The following SIDT1 variants were observed in gnomAD, a reference collection of about 807,000 sequenced individuals.
SIDT1 encodes SID1 transmembrane family, member 1.
In SIDT1, 101 loss-of-function variants were observed where a neutral mutation model predicts 107.5. The ratio of observed to expected loss-of-function variants is 0.94; its 90% confidence interval spans 0.80 to 1.11. SIDT1 has a LOEUF of 1.11. SIDT1 is among the 50% of genes least tolerant of loss of function. SIDT1 has a pLI of 0.00. For missense variants in SIDT1, 1,076 were observed against 1,058.2 expected (o/e 1.02, Z -0.23); for synonymous variants, 395 against 398.2 (o/e 0.99, Z 0.10).
intron 1 of SIDT1, among the ~76,000 whole-genome samples, chr3:113,554,821 C>T (rs1176157621): frequency 7.9e-5 from 12 of 151,764 alleles, no homozygotes; most frequent in Non-Finnish European, 1.8e-4. Flanking sequence ...TATTTTTATC[C>T]CCCACCAAGC....
At chr3:113,633,349 T>TTCTCA (rs1947105650), downstream of SIDT1, among the ~76,000 whole-genome samples, 3 of 152,308 alleles carry the variant, frequency 2.0e-5, no homozygotes, top group South Asian at 6.2e-4. Context: ...AATTTCAAGT[T>TTCTCA]GACTTTCAAA....
chr3:113,630,195 G>A (rs1164726492), downstream of SIDT1, among the ~76,000 whole-genome samples: 2 of 152,180 alleles, frequency 1.3e-5, no homozygotes, highest in Admixed American at 1.3e-4. Context: ...AGAGGCTCTT[G>A]GCAAAGTAAG....
At chr3:113,536,827 G>A (rs1222386008) in intron 1 of SIDT1, among the ~76,000 whole-genome samples, 1 of 152,264 alleles carries the variant, frequency 6.6e-6, no homozygotes, top group African/African-American at 2.4e-5. Flanking sequence ...AGTTAGGCAA[G>A]ATCATGATTC....
intron 4 of SIDT1, among the ~76,000 whole-genome samples, chr3:113,578,140 A>G (rs1283317722): frequency 1.3e-5 from 2 of 152,176 alleles, no homozygotes; most frequent in East Asian, 1.9e-4. Flanking sequence ...TAAAAGCACT[A>G]ATTACTAGGT....
chr3:113,614,284 T>C (rs935785552), intron 19 of SIDT1, among the ~76,000 whole-genome samples: 22 of 152,308 alleles, frequency 1.4e-4, no homozygotes, highest in African/African-American at 5.1e-4. Flanking sequence ...GGGAATCCAC[T>C]GATATCATCC....
chr3:113,630,290 C>T (rs1947080071), downstream of SIDT1, among the ~76,000 whole-genome samples: 1 of 152,184 alleles, frequency 6.6e-6, no homozygotes, highest in Non-Finnish European at 1.5e-5. Context: ...AAAAAATGAC[C>T]TCTTCACACC....
In SIDT1 at chr3:113,562,453, AG is replaced by A. The variant is rs1447650943; in HGVS notation, c.223-3966del. On this transcript the variant is annotated intron_variant, in intron 1 of 24. Coordinates refer to ENST00000264852, the MANE Select transcript of SIDT1 (RefSeq NM_017699.3). Reference sequence around the variant, plus strand: ...GCAACATTGTTTATAATAGCTAAAAAGTTAAAACAACCCAAATGTCCATCAA... The same window carrying A: ...GCAACATTGTTTATAATAGCTAAAAATTAAAACAACCCAAATGTCCATCAA... Among the ~76,000 whole-genome samples, 7 of 152,228 alleles carry A rather than the reference AG, an allele frequency of 4.6e-5. 1 individual carries two copies. The highest frequency in any genetic ancestry group is 7.3e-5 in the Non-Finnish European group (5 of 68,030).
rs536263621 is a variant in SIDT1, at chr3:113,611,987, A to T, written c.1858-99A>T. 4 of 793,110 alleles carry T rather than the reference A, an allele frequency of 5.0e-6. No homozygotes were observed. The South Asian group carries it at 6.0e-5, about 12-fold the overall frequency. 49.1% of individuals were successfully genotyped at this position (793,110 alleles called of 1,614,324 possible). A position where few individuals can be genotyped will look rare whatever the true frequency, so the allele number is the denominator to read the frequency against. Reference sequence around the variant, plus strand: ...GGGGAGAAAAATAGAATGTGCACACAGCTGTTTTTGACTCCTTACACATAC... The same window carrying T: ...GGGGAGAAAAATAGAATGTGCACACTGCTGTTTTTGACTCCTTACACATAC... On this transcript the variant is annotated intron_variant, in intron 18 of 24. Transcript: ENST00000264852.
intron 1 of SIDT1, among the ~76,000 whole-genome samples, chr3:113,548,741 C>T (rs1939877870): frequency 6.6e-6 from 1 of 152,082 alleles, no homozygotes; most frequent in Admixed American, 6.6e-5. Flanking sequence ...TCTTCCTGGC[C>T]ACTTCTCCCT....
At chr3:113,560,552 C>T (rs946868976) in intron 1 of SIDT1, among the ~76,000 whole-genome samples, 39 of 152,046 alleles carry the variant, frequency 2.6e-4, no homozygotes, top group African/African-American at 8.5e-4. Context: ...GTACACCCAG[C>T]GAACACAACC....
intron 23 of SIDT1, chr3:113,625,785 G>C (rs1439821530): frequency 8.0e-6 from 2 of 250,470 alleles, no homozygotes; most frequent in African/African-American, 2.3e-5. Context: ...ATATATTCTG[G>C]TTATTAATTT....
intron 14 of SIDT1, among the ~76,000 whole-genome samples, 183 bp downstream of exon 14, chr3:113,605,159 G>C (rs1945239916): frequency 8.5e-6 from 1 of 117,472 alleles, no homozygotes; most frequent in African/African-American, 3.2e-5. Flanking sequence ...GTCTCGCTCT[G>C]TCACCCTGGC....
At chr3:113,626,899 C>T (rs566841501) in intron 24 of SIDT1, among the ~76,000 whole-genome samples, 3 of 152,154 alleles carry the variant, frequency 2.0e-5, no homozygotes, top group Non-Finnish European at 4.4e-5. Flanking sequence ...ACTAGATGCC[C>T]GGGCTCCACG....
intron 1 of SIDT1, among the ~76,000 whole-genome samples, chr3:113,536,107 G>A (rs182917347): frequency 7.0e-4 from 106 of 152,198 alleles, no homozygotes; most frequent in African/African-American, 2.4e-3. Context: ...TACCACCAGG[G>A]GGATTTCAAG....
At chr3:113,609,058 C>CT (rs11453487) in intron 17 of SIDT1, among the ~76,000 whole-genome samples, 33,281 of 86,400 alleles carry the variant, frequency 0.39, 6,840 homozygotes, top group African/African-American at 0.45. Context: ...TGAGCCCATT[C>CT]TTTTTTTTTT....
chr3:113,625,198 G>A (rs549178606), intron 23 of SIDT1, among the ~76,000 whole-genome samples: 10 of 152,052 alleles, frequency 6.6e-5, no homozygotes, highest in East Asian at 1.9e-4. Flanking sequence ...GTGCAATGGC[G>A]CAATCTCGGC....
intron 1 of SIDT1, among the ~76,000 whole-genome samples, chr3:113,559,559 A>G (rs565938122): frequency 6.6e-6 from 1 of 152,080 alleles, no homozygotes; most frequent in Non-Finnish European, 1.5e-5. Context: ...CTCCTGCCTC[A>G]GCCTTCTGAG....
chr3:113,594,536 T>C (rs1459170738), intron 10 of SIDT1, among the ~76,000 whole-genome samples: 1 of 152,122 alleles, frequency 6.6e-6, no homozygotes, highest in Non-Finnish European at 1.5e-5. Flanking sequence ...ATGAGTGAAG[T>C]CTTTTTATTA....
chr3:113,566,306 A>C, intron 1 of SIDT1, 114 bp from the exon 2 acceptor site: 1 of 1,062,102 alleles, frequency 9.4e-7, no homozygotes, highest in South Asian at 1.7e-5. Flanking sequence ...TGAGCCTCAC[A>C]TGGCAACTAT....
Sources: gnomAD v4.1 joint callset for allele counts (sites outside exome capture counted in the v4.1 genomes callset) on GRCh38, gnomAD v4.1.1 for gene constraint, MANE v1.5 for transcripts, NCBI Gene and HGNC (gene_info 2026-07-23, HGNC 2026-07-21) for gene names.